Variants in CSMD1 observed in about 807,000 individuals in gnomAD.
CSMD1 encodes CUB and sushi domain-containing protein 1.
CSMD1 carries 213 observed loss-of-function variants against 417.5 expected under a neutral mutation model. The observed-to-expected ratio is 0.51, with a 90% confidence interval of 0.46 to 0.57. The LOEUF is 0.57. Among genes scored for constraint, CSMD1 ranks in the 20% least tolerant of loss-of-function variants. The pLI is 0.00. For missense variants in CSMD1, 6,923 were observed against 4,529.7 expected, an observed-to-expected ratio of 1.53 and a Z score of -15.17; for synonymous variants, 2,862 against 1,736.8, an observed-to-expected ratio of 1.65 and a Z score of -16.11.
chr8:4,129,423 C>T (rs1006248476), intron 3 of CSMD1, among the ~76,000 whole-genome samples: 22 of 152,116 alleles, frequency 1.4e-4, no homozygotes, highest in Admixed American at 9.8e-4. Flanking sequence ...CTAATTTCCT[C>T]TTTTAGGTAG....
intron 5 of CSMD1, among the ~76,000 whole-genome samples, chr8:3,814,873 T>C (rs1461944799): frequency 2.0e-5 from 3 of 152,180 alleles, no homozygotes; most frequent in Non-Finnish European, 4.4e-5. Flanking sequence ...CCACTTGTGT[T>C]AATTATTTAA....
chr8:4,598,748 G>C (rs893593449), intron 2 of CSMD1, among the ~76,000 whole-genome samples: 4 of 152,102 alleles, frequency 2.6e-5, no homozygotes, highest in African/African-American at 4.8e-5. Flanking sequence ...GTTTATTGAA[G>C]CAAAATAAAG....
intron 2 of CSMD1, among the ~76,000 whole-genome samples, chr8:4,447,837 G>C (rs539888809): frequency 2.6e-4 from 40 of 152,250 alleles, no homozygotes; most frequent in Non-Finnish European, 4.4e-4. Context: ...AAAGATTTAA[G>C]TGATAAACTT....
At chr8:3,986,456 G>C (rs1051789525) in intron 5 of CSMD1, among the ~76,000 whole-genome samples, 2 of 152,118 alleles carry the variant, frequency 1.3e-5, no homozygotes, top group African/African-American at 2.4e-5. Flanking sequence ...TCAGGGTATA[G>C]CCATGTGCAA....
intron 1 of CSMD1, among the ~76,000 whole-genome samples, chr8:4,755,840 T>C (rs954883137): frequency 1.3e-5 from 2 of 152,164 alleles, no homozygotes; most frequent in Non-Finnish European, 1.5e-5. Flanking sequence ...AAATCACTCC[T>C]AGATGAAACC....
rs1215772425 is a variant in CSMD1, at chr8:2,938,436, G to C, written c.*149C>G. The stretch of plus-strand genomic sequence containing the variant: ...GAAGACCCTGACACATTTGAGTAGA[G>C]ATCCCCGCTGCACTTATGCCAGTAG... On this transcript the variant is annotated 3_prime_UTR_variant, in exon 70 of 70. Coordinates refer to ENST00000635120, the MANE Select transcript of CSMD1 (RefSeq NM_033225.6). The C allele has an allele frequency of 1.4e-6, 1 of 705,536 alleles. No individual in the cohort carries two copies. The highest frequency in any genetic ancestry group is 2.1e-5 in the South Asian group (1 of 46,812). 43.7% of individuals were successfully genotyped at this position (705,536 alleles called of 1,614,324 possible). A position where few individuals can be genotyped will look rare whatever the true frequency, so the allele number is the denominator to read the frequency against.
intron 2 of CSMD1, among the ~76,000 whole-genome samples, chr8:4,590,217 T>C (rs1272318667): frequency 6.6e-6 from 1 of 152,136 alleles, no homozygotes; most frequent in Non-Finnish European, 1.5e-5. Flanking sequence ...ATCTGTGGTA[T>C]GTGTTACAAG....
chr8:3,956,478 C>T (rs1345527690), intron 5 of CSMD1, among the ~76,000 whole-genome samples: 1 of 152,146 alleles, frequency 6.6e-6, no homozygotes, highest in Non-Finnish European at 1.5e-5. Flanking sequence ...CATCCACGTA[C>T]ATTCCTAAAG....
chr8:3,051,465 G>A (rs561308291), intron 50 of CSMD1, among the ~76,000 whole-genome samples: 1 of 152,270 alleles, frequency 6.6e-6, no homozygotes, highest in Non-Finnish European at 1.5e-5. Flanking sequence ...TGGGAGGAAG[G>A]TAAGGATTCA....
intron 3 of CSMD1, among the ~76,000 whole-genome samples, chr8:4,163,299 G>A (rs929808537): frequency 6.6e-6 from 1 of 152,132 alleles, no homozygotes; most frequent in Non-Finnish European, 1.5e-5. Context: ...AGTTTTCTAA[G>A]AAACCACCCA....
intron 2 of CSMD1, among the ~76,000 whole-genome samples, chr8:4,579,378 G>C (rs563057580): frequency 2.0e-5 from 3 of 151,858 alleles, no homozygotes; most frequent in Admixed American, 1.3e-4. Flanking sequence ...GTGTATGTTT[G>C]ACAGAATTTT....
chr8:4,229,389 T>C (rs541314144), intron 3 of CSMD1, among the ~76,000 whole-genome samples: 2 of 152,370 alleles, frequency 1.3e-5, no homozygotes, highest in Admixed American at 1.3e-4. Flanking sequence ...TAAGATTCTC[T>C]TAGATCACAA....
intron 3 of CSMD1, among the ~76,000 whole-genome samples, chr8:4,133,247 A>G (rs1483948208): frequency 1.3e-5 from 2 of 152,118 alleles, no homozygotes; most frequent in African/African-American, 4.8e-5. Flanking sequence ...GTAAACATCT[A>G]ATAATATTAT....
chr8:4,267,790 G>C (rs557024707), intron 3 of CSMD1, among the ~76,000 whole-genome samples: 1 of 152,102 alleles, frequency 6.6e-6, no homozygotes, highest in Non-Finnish European at 1.5e-5. Flanking sequence ...TTGAACAATG[G>C]TATGAAAAGG....
chr8:3,275,563 C>A (rs112071114), intron 26 of CSMD1, among the ~76,000 whole-genome samples: 4 of 152,154 alleles, frequency 2.6e-5, no homozygotes, highest in Non-Finnish European at 5.9e-5. Context: ...CTTTCAGGTA[C>A]GACAATCAGA....
chr8:3,049,379 A>G (rs1034184843), intron 50 of CSMD1, among the ~76,000 whole-genome samples: 20 of 152,162 alleles, frequency 1.3e-4, no homozygotes, highest in African/African-American at 4.3e-4. Flanking sequence ...GTCCATACAG[A>G]CAATGGAATA....
chr8:4,941,329 CATA>C (rs201929569), intron 1 of CSMD1, among the ~76,000 whole-genome samples: 1 of 151,574 alleles, frequency 6.6e-6, no homozygotes, highest in Non-Finnish European at 1.5e-5. Flanking sequence ...GCACACGCTT[CATA>C]ATAAATGTTT....
intron 3 of CSMD1, among the ~76,000 whole-genome samples, chr8:4,167,121 C>T (rs192249028): frequency 8.1e-4 from 123 of 152,264 alleles, no homozygotes; most frequent in Non-Finnish European, 5.7e-4. Context: ...CCATATAAAC[C>T]CAAGATGTTA....
Position 3,108,753 on chromosome 8 carries a change from G to A in CSMD1, c.6609-5C>T, listed in dbSNP as rs765289556. On this transcript the variant is annotated splice_region_variant and splice_polypyrimidine_tract_variant and intron_variant, in intron 43 of 69. Transcript: ENST00000635120. ...GAGTTCTGATCGGGACCGTCCCTAG[G>A]AAAGACAGAAAGAGGTGGCTGGCTA... The A allele has an allele frequency of 1.7e-5, 27 of 1,603,796 alleles. No individual in the cohort carries two copies. In the Middle Eastern group the frequency reaches 5.0e-4, roughly 30 times the overall value.
Sources: allele counts gnomAD v4.1 joint callset (sites outside exome capture counted in the v4.1 genomes callset), GRCh38; gene constraint gnomAD v4.1.1; transcripts MANE v1.5; gene names NCBI Gene and HGNC (gene_info 2026-07-23, HGNC 2026-07-21).